Variants in TP73 observed in about 807,000 individuals in gnomAD.
The protein encoded by TP73 is p53-like transcription factor.
Under a neutral mutation model 62.5 loss-of-function variants are expected in TP73, and 25 were observed. That is an observed-to-expected ratio of 0.40 (90% CI 0.29 to 0.56). TP73 has a LOEUF of 0.56. TP73 is among the 20% of genes least tolerant of loss of function. The pLI, the probability that TP73 is intolerant of heterozygous loss-of-function variation, is 0.46. For missense variants in TP73, 754 were observed against 913.3 expected, an observed-to-expected ratio of 0.83 and a Z score of 2.25; for synonymous variants, 423 against 377.5, an observed-to-expected ratio of 1.12 and a Z score of -1.40.
At chr1:3,710,611 C>A (rs1337817983) in intron 4 of TP73, among the ~76,000 whole-genome samples, 1 of 152,226 alleles carries the variant, frequency 6.6e-6, no homozygotes, top group Non-Finnish European at 1.5e-5. Flanking sequence ...CTCCTTTCTC[C>A]CCGATCAGGA....
intron 1 of TP73, among the ~76,000 whole-genome samples, chr1:3,677,690 CTTTTTTTTTTT>C (rs1196146698): frequency 7.3e-5 from 10 of 137,280 alleles, no homozygotes; most frequent in Non-Finnish European, 1.5e-4. Flanking sequence ...CCTTCCTTCC[CTTTTTTTTTTT>C]TTTTTTTTTA....
chr1:3,680,636 C>A (rs1227742448), intron 1 of TP73, among the ~76,000 whole-genome samples: 1 of 152,270 alleles, frequency 6.6e-6, no homozygotes, highest in African/African-American at 2.4e-5. Context: ...CCTACTCATA[C>A]TGCTCAGCCC....
chr1:3,664,612 C>T (rs1239836999), intron 1 of TP73, among the ~76,000 whole-genome samples: 1 of 152,226 alleles, frequency 6.6e-6, no homozygotes, highest in African/African-American at 2.4e-5. Context: ...AGCCTCCTGG[C>T]CTCCGGGTCC....
chr1:3,697,256 T>C (rs78340412), intron 3 of TP73, among the ~76,000 whole-genome samples: 20,942 of 152,188 alleles, frequency 0.14, 1,660 homozygotes, highest in Admixed American at 0.18. Context: ...CCCTGTGTTC[T>C]CAACACCGGA....
chr1:3,714,955 A>G (rs960157907), intron 4 of TP73, among the ~76,000 whole-genome samples: 1 of 152,310 alleles, frequency 6.6e-6, no homozygotes, highest in East Asian at 1.9e-4. Flanking sequence ...AGTGACAGTG[A>G]TAGTAGCAGC....
rs946035315 is a variant in TP73 at position 3,662,503 on chromosome 1, C to T, written c.-34+9862C>T. Among the ~76,000 whole-genome samples the T allele has an allele frequency of 1.3e-5, 2 of 152,192 alleles. No homozygotes were observed. Among genetic ancestry groups the T allele is most frequent in the South Asian group, 2.1e-4 (1 of 4,828 alleles). On this transcript the variant is annotated intron_variant, in intron 1 of 13. Coordinates refer to ENST00000378295, the MANE Select transcript of TP73 (RefSeq NM_005427.4). This position sits in a 1 kb window ranked among gnomAD's most constrained non-coding sequence, Gnocchi z 4.4. The stretch of plus-strand genomic sequence containing the variant: ...AAGGTGGTTTCGTCACGCGGACATG[C>T]GTCTCTCAGGCGATCAGAGTTACCT...
intron 11 of TP73, among the ~76,000 whole-genome samples, chr1:3,730,550 G>C (rs1256567583): frequency 6.6e-6 from 1 of 152,168 alleles, no homozygotes; most frequent in East Asian, 1.9e-4. Flanking sequence ...CCATTGGATA[G>C]AGTTTGGGCC....
intron 3 of TP73, among the ~76,000 whole-genome samples, chr1:3,692,110 T>C (rs569392883): frequency 6.6e-6 from 1 of 152,228 alleles, no homozygotes; most frequent in East Asian, 1.9e-4. Context: ...TGTTTGCCTG[T>C]GTGTTGTGGT....
chr1:3,660,520 C>T (rs1037157689), intron 1 of TP73, among the ~76,000 whole-genome samples: 5 of 152,050 alleles, frequency 3.3e-5, no homozygotes, highest in African/African-American at 9.7e-5. Context: ...ACTCTATGGC[C>T]GTAAAAATAA....
At chr1:3,659,280 T>G (rs1188679279) in intron 1 of TP73, 3 of 152,144 alleles carry the variant, frequency 2.0e-5, no homozygotes, top group East Asian at 3.9e-4. Context: ...GAGCATCTTC[T>G]GCGGTTTGGT....
rs1570636739 is a variant in TP73 at position 3,728,029 on chromosome 1, C to T, written c.986-100C>T. ...TCACCACCGGACCCACCTGGAGAAT[C>T]GATTGGCCCCAAGGGTGGGGCAGGT... On this transcript the variant is annotated intron_variant, in intron 8 of 13. Transcript: ENST00000378295. The T allele has an allele frequency of 1.4e-5, 19 of 1,322,328 alleles. No homozygotes were observed. The South Asian group carries it at 1.8e-4, about 12-fold the overall frequency. The allele number at this position is 1,322,328 out of a possible 1,614,324, so 81.9% of individuals were successfully genotyped here. A position where few individuals can be genotyped will look rare whatever the true frequency, so the allele number is the denominator to read the frequency against.
intron 1 of TP73, among the ~76,000 whole-genome samples, chr1:3,669,457 C>T (rs1022210708): frequency 2.6e-5 from 4 of 152,226 alleles, no homozygotes; most frequent in African/African-American, 9.6e-5. Flanking sequence ...CTGGTACCGC[C>T]ACCTCCACCC....
Position 3,696,908 on chromosome 1 carries a change from C to T in TP73, c.187-10641C>T, listed in dbSNP as rs546468298. Among the ~76,000 whole-genome samples the T allele has an allele frequency of 3.5e-4, 53 of 152,300 alleles. No individual in the cohort carries two copies. The highest frequency in any genetic ancestry group is 1.2e-3 in the African/African-American group (49 of 41,556). On this transcript the variant is annotated intron_variant, in intron 3 of 13. Coordinates refer to ENST00000378295, the MANE Select transcript of TP73 (RefSeq NM_005427.4). This position sits in a 1 kb window ranked among gnomAD's most constrained non-coding sequence, Gnocchi z 4.1. ...CCTCCGGCCCCCCTGCCACCCTCGG[C>T]CAGCTGCTATTTCTGTCTCCTTTGT...
At chr1:3,678,652 G>C (rs1233677571) in intron 1 of TP73, among the ~76,000 whole-genome samples, 1 of 152,240 alleles carries the variant, frequency 6.6e-6, no homozygotes, top group Non-Finnish European at 1.5e-5. Flanking sequence ...CGATTCCCAT[G>C]GGGGAGGCCG....
chr1:3,727,086 A>T (rs767205560), intron 6 of TP73, 29 bp from the exon 7 acceptor site: 1 of 1,596,494 alleles, frequency 6.3e-7, no homozygotes, highest in Non-Finnish European at 8.6e-7. Context: ...TGCTGATGCT[A>T]GCCCCTCTCC....
At chr1:3,693,438 T>A (rs939800382) in intron 3 of TP73, among the ~76,000 whole-genome samples, 1 of 152,054 alleles carries the variant, frequency 6.6e-6, no homozygotes, top group Non-Finnish European at 1.5e-5. Context: ...AGCCCCCAGC[T>A]GGGCCCGCCA....
chr1:3,710,784 G>A (rs749550948), intron 4 of TP73, among the ~76,000 whole-genome samples: 9 of 152,312 alleles, frequency 5.9e-5, no homozygotes, highest in Non-Finnish European at 1.2e-4. Flanking sequence ...ATGCACACAC[G>A]TGGATACACA....
At chr1:3,671,996 CAG>C (rs1645252337) in intron 1 of TP73, among the ~76,000 whole-genome samples, 1 of 152,140 alleles carries the variant, frequency 6.6e-6, no homozygotes, top group African/African-American at 2.4e-5. Flanking sequence ...GGGCGGGACT[CAG>C]AGGGACGCAT....
At chr1:3,656,991 C>A (rs1008353943) in intron 1 of TP73, among the ~76,000 whole-genome samples, 53 of 152,320 alleles carry the variant, frequency 3.5e-4, no homozygotes, top group African/African-American at 1.3e-3. Context: ...CTTGTCGCTC[C>A]GTTGCAATTA....
Sources: gnomAD v4.1 joint callset for allele counts (sites outside exome capture counted in the v4.1 genomes callset) on GRCh38, gnomAD v4.1.1 for gene constraint, Gnocchi (gnomAD v3.1) non-coding constraint, MANE v1.5 for transcripts, NCBI Gene and HGNC (gene_info 2026-07-23, HGNC 2026-07-21) for gene names.